Variants in NALF1 observed in about 807,000 individuals in gnomAD.
The protein encoded by NALF1 is NALCN channel auxiliary factor 1.
A neutral mutation model predicts 48.4 loss-of-function variants in NALF1; 3 were observed. That is an observed-to-expected ratio of 0.06 (90% CI 0.03 to 0.16). The LOEUF (loss-of-function observed/expected upper bound fraction) is 0.16. Ranked by LOEUF, NALF1 falls within the 10% of genes least tolerant of loss-of-function variation. The pLI, the probability that NALF1 is intolerant of heterozygous loss-of-function variation, is 1.00. For missense variants in NALF1, 526 were observed against 571.5 expected (o/e 0.92, Z 0.81); for synonymous variants, 262 against 245.7 (o/e 1.07, Z -0.62).
intron 1 of NALF1, among the ~76,000 whole-genome samples, chr13:107,583,652 T>C (rs1156793709): frequency 6.6e-6 from 1 of 152,164 alleles, no homozygotes; most frequent in Non-Finnish European, 1.5e-5. Context: ...ACTATCAGCA[T>C]TCTCTTACCT....
At position 107,335,385 on chromosome 13, in the gene NALF1, C is replaced by T. The variant is rs544282514; in HGVS notation, c.916-124630G>A. ...CATATTATCTGTACTGCAAATAAAACGGATCAAGTGTTTTGAAGCTATAAC... is the reference window on the plus strand; with the variant it reads ...CATATTATCTGTACTGCAAATAAAATGGATCAAGTGTTTTGAAGCTATAAC... On this transcript the variant is annotated intron_variant, in intron 1 of 2. Coordinates refer to ENST00000375915, the MANE Select transcript of NALF1 (RefSeq NM_001080396.3). Among the ~76,000 whole-genome samples, 57 of 152,250 alleles carry T rather than the reference C, an allele frequency of 3.7e-4. 1 individual carries two copies. In the South Asian group the frequency reaches 6.2e-3, roughly 17 times the overall value.
chr13:107,404,579 T>A (rs903542547), intron 1 of NALF1, among the ~76,000 whole-genome samples: 1 of 152,102 alleles, frequency 6.6e-6, no homozygotes, highest in African/African-American at 2.4e-5. Flanking sequence ...ATGAAAATTG[T>A]AGGGAACAAA....
At chr13:107,304,836 C>T (rs937636034) in intron 1 of NALF1, among the ~76,000 whole-genome samples, 5 of 152,158 alleles carry the variant, frequency 3.3e-5, no homozygotes, top group Non-Finnish European at 7.3e-5. Flanking sequence ...GTATTATTTA[C>T]CACTGTTGTT....
At chr13:107,712,556 G>A (rs563245662) in intron 1 of NALF1, among the ~76,000 whole-genome samples, 67 of 152,308 alleles carry the variant, frequency 4.4e-4, no homozygotes, top group African/African-American at 1.5e-3. Flanking sequence ...TTAAAAAGTC[G>A]AAGAGACAGC....
At chr13:107,668,858 G>C (rs1412926435) in intron 1 of NALF1, among the ~76,000 whole-genome samples, 1 of 151,866 alleles carries the variant, frequency 6.6e-6, no homozygotes, top group Non-Finnish European at 1.5e-5. Context: ...TCAGACCTAG[G>C]GGACGCTGTG....
chr13:107,234,136 A>C (rs1340815787), intron 1 of NALF1, among the ~76,000 whole-genome samples: 23 of 152,220 alleles, frequency 1.5e-4, no homozygotes, highest in Admixed American at 1.5e-3. Context: ...ACTCCAGCAC[A>C]ATTAAATAGA....
chr13:107,637,320 T>C lies in NALF1; in HGVS notation c.915+228362A>G, dbSNP rs192523773. ...AGTTGTTGGGGAATTTTATTCATGATGTAATTATTCTATTTGGGGAATTTT... is the reference window on the plus strand; with the variant it reads ...AGTTGTTGGGGAATTTTATTCATGACGTAATTATTCTATTTGGGGAATTTT... On this transcript the variant is annotated intron_variant, in intron 1 of 2. Coordinates refer to ENST00000375915, the MANE Select transcript of NALF1 (RefSeq NM_001080396.3). Among the ~76,000 whole-genome samples the C allele has an allele frequency of 2.0e-5, 3 of 152,272 alleles. No homozygotes were observed. In the East Asian group the frequency reaches 5.8e-4, roughly 29 times the overall value.
At chr13:107,598,816 C>T (rs569239925) in intron 1 of NALF1, among the ~76,000 whole-genome samples, 1 of 152,170 alleles carries the variant, frequency 6.6e-6, no homozygotes, top group East Asian at 1.9e-4. Flanking sequence ...GTGGCCTTCT[C>T]CCTCCATTAT....
chr13:107,518,480 T>C (rs1272001208), intron 1 of NALF1, among the ~76,000 whole-genome samples: 1 of 152,106 alleles, frequency 6.6e-6, no homozygotes, highest in Non-Finnish European at 1.5e-5. Context: ...TACTTGGAGA[T>C]AAATATTGTT....
chr13:107,793,518 C>A (rs967395454), intron 1 of NALF1, among the ~76,000 whole-genome samples: 52 of 152,246 alleles, frequency 3.4e-4, no homozygotes, highest in African/African-American at 1.2e-3. Context: ...TTATAATTTT[C>A]GCAAAGACAC....
chr13:107,865,164 A>C (rs949825201), intron 1 of NALF1, among the ~76,000 whole-genome samples: 3 of 152,210 alleles, frequency 2.0e-5, no homozygotes, highest in Non-Finnish European at 2.9e-5. Flanking sequence ...CCCTGTAAAA[A>C]CAGGTAATTC....
chr13:107,488,092 A>G (rs1191223997), intron 1 of NALF1, among the ~76,000 whole-genome samples: 2 of 150,204 alleles, frequency 1.3e-5, no homozygotes, highest in Non-Finnish European at 3.0e-5. Context: ...GGTTGTTTGT[A>G]TTTCTGTGGG....
chr13:107,261,439 T>C (rs577929006), intron 1 of NALF1, among the ~76,000 whole-genome samples: 1 of 152,196 alleles, frequency 6.6e-6, no homozygotes, highest in Non-Finnish European at 1.5e-5. Flanking sequence ...TCAGCAATGA[T>C]TTTAATTTTG....
At chr13:107,416,244 T>C (rs1295028090) in intron 1 of NALF1, among the ~76,000 whole-genome samples, 2 of 151,840 alleles carry the variant, frequency 1.3e-5, no homozygotes, top group African/African-American at 4.8e-5. Context: ...CTCGATCTCC[T>C]GACCTCGTGA....
At chr13:107,444,856 T>C (rs1013239851) in intron 1 of NALF1, among the ~76,000 whole-genome samples, 2 of 152,216 alleles carry the variant, frequency 1.3e-5, no homozygotes, top group Non-Finnish European at 2.9e-5. Flanking sequence ...TTTAGGTAGT[T>C]TCAACAATAT....
intron 1 of NALF1, among the ~76,000 whole-genome samples, chr13:107,835,885 A>T (rs1343635433): frequency 2.0e-5 from 3 of 152,164 alleles, no homozygotes; most frequent in African/African-American, 7.2e-5. Context: ...AGATTAATAC[A>T]TTCCCCACAG....
At chr13:107,312,317 C>A (rs1032027311) in intron 1 of NALF1, among the ~76,000 whole-genome samples, 2 of 151,820 alleles carry the variant, frequency 1.3e-5, no homozygotes, top group East Asian at 3.9e-4. Flanking sequence ...CAAACGATCA[C>A]GAGGTCAAAA....
At chr13:107,442,365 T>C (rs1194080105) in intron 1 of NALF1, among the ~76,000 whole-genome samples, 1 of 152,186 alleles carries the variant, frequency 6.6e-6, no homozygotes, top group African/African-American at 2.4e-5. Flanking sequence ...TTTGCATAAA[T>C]AAACTATGAA....
chr13:107,559,226 A>C (rs1455232528), intron 1 of NALF1, among the ~76,000 whole-genome samples: 1 of 152,198 alleles, frequency 6.6e-6, no homozygotes, highest in Non-Finnish European at 1.5e-5. Flanking sequence ...AGAAAACTTC[A>C]GGGAGTAACT....
Sources: allele counts gnomAD v4.1 joint callset (sites outside exome capture counted in the v4.1 genomes callset), GRCh38; gene constraint gnomAD v4.1.1; transcripts MANE v1.5; gene names NCBI Gene and HGNC (gene_info 2026-07-23, HGNC 2026-07-21).